Variants in SLITRK1 observed in about 807,000 individuals in gnomAD.
SLITRK1 encodes the protein SLIT and NTRK like family member 1.
SLITRK1 carries 10 observed loss-of-function variants against 42.4 expected under a neutral mutation model. That is an observed-to-expected ratio of 0.24 (90% CI 0.15 to 0.40). The LOEUF is 0.40. SLITRK1 is among the 10% of genes least tolerant of loss of function. The pLI, the probability that SLITRK1 is intolerant of heterozygous loss-of-function variation, is 1.00. For synonymous variants in SLITRK1, 389 were observed against 365.7 expected (o/e 1.06, Z -0.73); for missense variants, 778 against 848.8 (o/e 0.92, Z 1.04).
chr13:83,879,142 G>A lies in SLITRK1; in HGVS notation c.*275C>T, dbSNP rs928343494. ...AGGGCACTGTCAGTTCTTCCAGCAG[G>A]GTCGTGCTGGGCTTTCTGTCAAAAG... On this transcript the variant is annotated 3_prime_UTR_variant, in exon 2 of 2. Transcript: ENST00000674365. 2.1e-6 allele frequency: 1 copy of A among 480,080 alleles called. No individual in the cohort carries two copies. Among genetic ancestry groups the A allele is most frequent in the Non-Finnish European group, 3.8e-6 (1 of 261,648 alleles). The allele number at this position is 480,080 out of a possible 1,614,324, so 29.7% of individuals were successfully genotyped here. A position where few individuals can be genotyped will look rare whatever the true frequency, so the allele number is the denominator to read the frequency against.
rs774477502 is a variant in SLITRK1 at position 83,880,374 on chromosome 13, C to T, written c.1134G>A (p.Gln378=). The change falls in exon 2 of 2, where the codon CAG becomes CAA. Residue 378 remains glutamine, a synonymous_variant. Coordinates refer to ENST00000674365, the MANE Select transcript of SLITRK1 (RefSeq NM_001281503.2). ...ADLKPKLSNV[Q]ELFLRDNKIH... is the part of the protein sequence containing the mutation. ...TCTTGTTATCTCGTAGGAAAAGCTCCTGCACGTTAGAGAGCTTGGGCTTCA... is the reference window on the plus strand; with the variant it reads ...TCTTGTTATCTCGTAGGAAAAGCTCTTGCACGTTAGAGAGCTTGGGCTTCA... 1.2e-5 allele frequency: 19 copies of T among 1,613,878 alleles called. No homozygotes were observed. The South Asian group carries it at 1.8e-4, about 15-fold the overall frequency.
rs779793357 is a variant in SLITRK1, at chr13:83,880,929, G to A, written c.579C>T (p.Pro193=). Residue 193 remains proline (P), a synonymous_variant, in exon 2 of 2, where the codon CCC becomes CCT. Coordinates refer to ENST00000674365, the MANE Select transcript of SLITRK1 (RefSeq NM_001281503.2). ...GGATTTGCTCCAAGACCTCCTCATA[G>A]GGCAGCGTTTTCAGCCTGTTACCCC... is the stretch of plus-strand genomic sequence containing the variant. ...DLRGNRLKTL[P]YEEVLEQIPG... 2 of 1,614,028 alleles carry A rather than the reference G, an allele frequency of 1.2e-6. No homozygotes were observed. The highest frequency in any genetic ancestry group is 1.7e-6 in the Non-Finnish European group (2 of 1,179,994).
At position 83,882,250 on chromosome 13, in the gene SLITRK1, CTT is replaced by C; in HGVS notation, c.-302_-301del. The C allele has an allele frequency of 6.2e-6, 1 of 161,676 alleles. No individual in the cohort carries two copies. 10.0% of individuals were successfully genotyped at this position (161,676 alleles called of 1,614,324 possible). A position where few individuals can be genotyped will look rare whatever the true frequency, so the allele number is the denominator to read the frequency against. ...TTCCTCCCCTTCGGTCCTCTTAAGG[CTT>C]TTTTTTTTCTTTTCTGTGCTCTCGC... On this transcript the variant is annotated 5_prime_UTR_variant, in exon 1 of 2. Coordinates refer to ENST00000674365, the MANE Select transcript of SLITRK1 (RefSeq NM_001281503.2).
At position 83,878,457 on chromosome 13, in the gene SLITRK1, A is replaced by T. The variant is rs975765152; in HGVS notation, c.*960T>A. The T allele has an allele frequency of 1.3e-5, 2 of 152,600 alleles. No homozygotes were observed. The highest frequency in any genetic ancestry group is 4.8e-5 in the African/African-American group (2 of 41,440). The allele number at this position is 152,600 out of a possible 1,614,324, so 9.5% of individuals were successfully genotyped here. ...CCTCAAAATCATTTTTTAAATAATTACACTGATACTATAATAGAAATCATG... is the reference window on the plus strand; with the variant it reads ...CCTCAAAATCATTTTTTAAATAATTTCACTGATACTATAATAGAAATCATG... On this transcript the variant is annotated 3_prime_UTR_variant, in exon 2 of 2. Coordinates refer to ENST00000674365, the MANE Select transcript of SLITRK1 (RefSeq NM_001281503.2).
At position 83,879,576 on chromosome 13, in the gene SLITRK1, C is replaced by T. The variant is rs200208391; in HGVS notation, c.1932G>A (p.Arg644=). 14 of 1,613,910 alleles carry T rather than the reference C, an allele frequency of 8.7e-6. No individual in the cohort carries two copies. The highest frequency in any genetic ancestry group is 1.1e-5 in the Non-Finnish European group (13 of 1,180,018). ...TVVGMLVFIL[R]NRKRSKRRDA... is the part of the protein sequence containing the mutation. Reference sequence around the variant, plus strand: ...CTCGTCTCTTGGACCGCTTTCGGTTCCTCAGGATAAACACGAGCATGCCCA... The same window carrying T: ...CTCGTCTCTTGGACCGCTTTCGGTTTCTCAGGATAAACACGAGCATGCCCA... Residue 644 remains arginine (R), a synonymous_variant, in exon 2 of 2, where the codon AGG becomes AGA. Coordinates refer to ENST00000674365, the MANE Select transcript of SLITRK1 (RefSeq NM_001281503.2).
chr13:83,877,367 C>T lies in SLITRK1; in HGVS notation c.*2050G>A, dbSNP rs1257803001. On this transcript the variant is annotated 3_prime_UTR_variant, in exon 2 of 2. Transcript: ENST00000674365. ...GTCTTTCACTAGCTGATTTATAATC[C>T]TATATTAAAAAAAAATCTATAGTCT... 8.8e-6 allele frequency: 1 copy of T among 113,162 alleles called. No individual in the cohort carries two copies. The highest frequency in any genetic ancestry group is 7.1e-5 in the African/African-American group (1 of 14,092). The allele number at this position is 113,162 out of a possible 1,614,324, so 7.0% of individuals were successfully genotyped here.
In SLITRK1 at chr13:83,879,883, T is replaced by C; in HGVS notation, c.1625A>G (p.Gln542Arg). Residue 542 changes from glutamine (Q) to arginine (R), a missense_variant, in exon 2 of 2, where the codon CAG becomes CGG. Gln to Arg is a conservative substitution (Grantham distance 43). Coordinates refer to ENST00000674365, the MANE Select transcript of SLITRK1 (RefSeq NM_001281503.2). Reference sequence around the variant, plus strand: ...TTCGGAACCCAAGCGTTCTGCCCACTGCTTGAAAGGCACAATTGTGCAGGA... The same window carrying C: ...TTCGGAACCCAAGCGTTCTGCCCACCGCTTGAAAGGCACAATTGTGCAGGA... ...ECSCTIVPFKQWAERLGSEVL... is the reference protein window; with the variant it reads ...ECSCTIVPFKRWAERLGSEVL... 1 of 1,614,162 alleles carries C rather than the reference T, an allele frequency of 6.2e-7. No individual in the cohort carries two copies. The highest frequency in any genetic ancestry group is 8.5e-7 in the Non-Finnish European group (1 of 1,180,034).
chr13:83,880,467 G>C lies in SLITRK1; in HGVS notation c.1041C>G (p.Cys347Trp). Residue 347 changes from cysteine to tryptophan, a missense_variant, in exon 2 of 2, where the codon TGC becomes TGG. By Grantham distance (215) the Cys-to-Trp change is radical. Coordinates refer to ENST00000674365, the MANE Select transcript of SLITRK1 (RefSeq NM_001281503.2). ...NSLPCPGGCS[C>W]DHIPGSGLKM... Reference sequence around the variant, plus strand: ...TTAAACCCGACCCTGGGATGTGGTCGCAGCTGCAGCCCCCAGGGCAGGGTA... The same window carrying C: ...TTAAACCCGACCCTGGGATGTGGTCCCAGCTGCAGCCCCCAGGGCAGGGTA... The C allele has an allele frequency of 6.2e-7, 1 of 1,614,032 alleles. No individual in the cohort carries two copies. Among genetic ancestry groups the C allele is most frequent in the Non-Finnish European group, 8.5e-7 (1 of 1,180,030 alleles).
rs1278496954 is a variant in SLITRK1, at chr13:83,881,163, G to A, written c.345C>T (p.Asn115=). 1 of 1,613,952 alleles carries A rather than the reference G, an allele frequency of 6.2e-7. No individual in the cohort carries two copies. Among genetic ancestry groups the A allele is most frequent in the African/African-American group, 1.3e-5 (1 of 74,880 alleles). Residue 115 remains asparagine (N), a synonymous_variant, in exon 2 of 2, where the codon AAC becomes AAT. Coordinates refer to ENST00000674365, the MANE Select transcript of SLITRK1 (RefSeq NM_001281503.2). ...GCTTTCGAAAAGACTTGATCTTGTT[G>A]TTGTTGATGTGCAGCCTTTTCACCA... is the stretch of plus-strand genomic sequence containing the variant. ...LQLVKRLHIN[N]NKIKSFRKQT...
chr13:83,881,567 GC>G lies in SLITRK1; in HGVS notation c.-53-8del, dbSNP rs1884814872. On this transcript the variant is annotated splice_polypyrimidine_tract_variant and splice_region_variant and intron_variant, in intron 1 of 1. Transcript: ENST00000674365. ...CAAAGTAACAGCGACCATCCTGCTC[GC>G]CACAGACACAATTCAAGTTCATTTA... 7.2e-6 allele frequency: 10 copies of G among 1,391,526 alleles called. No individual in the cohort carries two copies. In the South Asian group the frequency reaches 1.0e-4, roughly 14 times the overall value. 86.2% of individuals were successfully genotyped at this position (1,391,526 alleles called of 1,614,324 possible).
At chr13:83,881,975 G>T (rs1378403794) in intron 1 of SLITRK1, 29 bp downstream of exon 1, 3 of 176,342 alleles carry the variant, frequency 1.7e-5, no homozygotes, top group East Asian at 3.7e-4. Flanking sequence ...CAGGCGCACT[G>T]CCTGTGCATG....
At chr13:83,881,796 A>G (rs1884821986) in intron 1 of SLITRK1, 1 of 397,298 alleles carries the variant, frequency 2.5e-6, no homozygotes, top group Non-Finnish European at 4.6e-6. Context: ...CCACTCCCCC[A>G]CAACACTTTA....
rs558089981 is a variant in SLITRK1 at position 83,881,063 on chromosome 13, C to T, written c.445G>A (p.Ala149Thr). 6 of 1,613,978 alleles carry T rather than the reference C, an allele frequency of 3.7e-6. No individual in the cohort carries two copies. In the East Asian group the frequency reaches 8.9e-5, roughly 24 times the overall value. Residue 149 changes from alanine (A) to threonine (T), a missense_variant, in exon 2 of 2, where the codon GCC becomes ACC. This residue lies in a region of SLITRK1 where 204 missense variants were observed against 295.3 expected (regional missense o/e 0.69). Transcript: ENST00000674365. ...FNLLRDIDPG[A>T]FQDLNKLEVL... ...TCCAGCTTGTTCAAGTCCTGGAAGGCCCCCGGGTCTATATCTCGTAATAAA... is the reference window on the plus strand; with the variant it reads ...TCCAGCTTGTTCAAGTCCTGGAAGGTCCCCGGGTCTATATCTCGTAATAAA...
Position 83,879,385 on chromosome 13 carries a change from TC to T in SLITRK1, c.*31del, listed in dbSNP as rs767162700. The T allele has an allele frequency of 8.1e-6, 13 of 1,610,216 alleles. No individual in the cohort carries two copies. The highest frequency in any genetic ancestry group is 1.0e-5 in the Non-Finnish European group (12 of 1,179,918). On this transcript the variant is annotated 3_prime_UTR_variant, in exon 2 of 2. Coordinates refer to ENST00000674365, the MANE Select transcript of SLITRK1 (RefSeq NM_001281503.2). The stretch of plus-strand genomic sequence containing the variant: ...TGCGGTGGGGAAGGATGTATCGCCT[TC>T]CCTCTGCCCTCCCCTATTGGGGTTG...
At position 83,879,436 on chromosome 13, in the gene SLITRK1, G is replaced by T; in HGVS notation, c.2072C>A (p.Ser691Tyr). The T allele has an allele frequency of 6.2e-7, 1 of 1,613,486 alleles. No homozygotes were observed. ...DGAHRVYDCG[S>Y]HSLSD ...GGGGTCTTAGTCTGAGAGCGAGTGA[G>T]AGCCACAGTCATACACTCTGTGGGC... The change falls in exon 2 of 2, where the codon TCT becomes TAT. Residue 691 changes from serine (S) to tyrosine (Y), a missense_variant. Coordinates refer to ENST00000674365, the MANE Select transcript of SLITRK1 (RefSeq NM_001281503.2).
In SLITRK1 at chr13:83,880,505, A is replaced by T; in HGVS notation, c.1003T>A (p.Leu335Ile). 6.2e-7 allele frequency: 1 copy of T among 1,613,924 alleles called. No individual in the cohort carries two copies. Among genetic ancestry groups the T allele is most frequent in the Non-Finnish European group, 8.5e-7 (1 of 1,179,992 alleles). ...CCAGGGCAGGGTAAACTGTTAGCTA[A>T]GGGTTTGTTCCTGGAGCTACCCGTC... is the stretch of plus-strand genomic sequence containing the variant. ...IATGSSRNKP[L>I]ANSLPCPGGC... Residue 335 changes from leucine to isoleucine, a missense_variant, in exon 2 of 2, where the codon TTA becomes ATA. By Grantham distance (5) the Leu-to-Ile change is conservative. Transcript: ENST00000674365.
At position 83,880,152 on chromosome 13, in the gene SLITRK1, C is replaced by G; in HGVS notation, c.1356G>C (p.Leu452=). 1 of 1,614,016 alleles carries G rather than the reference C, an allele frequency of 6.2e-7. No homozygotes were observed. The highest frequency in any genetic ancestry group is 1.1e-5 in the South Asian group (1 of 91,068). Residue 452 remains leucine, a synonymous_variant, in exon 2 of 2, where the codon CTG becomes CTC. Coordinates refer to ENST00000674365, the MANE Select transcript of SLITRK1 (RefSeq NM_001281503.2). Reference sequence around the variant, plus strand: ...GCTGGATAGCGTTGTACTCCACGTTCAGGTACTCTAGGTTTTGCAGCCCCG... The same window carrying G: ...GCTGGATAGCGTTGTACTCCACGTTGAGGTACTCTAGGTTTTGCAGCCCCG... ...KFAGLQNLEY[L]NVEYNAIQLI...
chr13:83,880,159 T>C lies in SLITRK1; in HGVS notation c.1349A>G (p.Glu450Gly), dbSNP rs751127410. ...AGCGTTGTACTCCACGTTCAGGTAC[T>C]CTAGGTTTTGCAGCCCCGCGAATTT... The part of the protein sequence containing the change: ...REKFAGLQNL[E>G]YLNVEYNAIQ... Residue 450 changes from glutamate (E) to glycine (G), a missense_variant, in exon 2 of 2, where the codon GAG becomes GGG. Around this residue, in one of 4 missense-constraint regions of SLITRK1, gnomAD observed 395 missense variants for 360.4 expected, o/e 1.10. Coordinates refer to ENST00000674365, the MANE Select transcript of SLITRK1 (RefSeq NM_001281503.2). 1.9e-6 allele frequency: 3 copies of C among 1,613,976 alleles called. No individual in the cohort carries two copies. The highest frequency in any genetic ancestry group is 1.1e-5 in the South Asian group (1 of 91,060).
Position 83,879,747 on chromosome 13 carries a change from G to A in SLITRK1, c.1761C>T (p.Pro587=), listed in dbSNP as rs1884769659. The A allele has an allele frequency of 6.2e-7, 1 of 1,613,870 alleles. No homozygotes were observed. The highest frequency in any genetic ancestry group is 1.3e-5 in the African/African-American group (1 of 74,896). Residue 587 remains proline (P), a synonymous_variant, in exon 2 of 2, where the codon CCC becomes CCT. Transcript: ENST00000674365. Reference sequence around the variant, plus strand: ...TGTTTTTACTGTGCGAAGTTAACGTGGGCGAGATCCTAGCGTACAGCTGAG... The same window carrying A: ...TGTTTTTACTGTGCGAAGTTAACGTAGGCGAGATCCTAGCGTACAGCTGAG... ...ICPQLYARIS[P]TLTSHSKNST... is the part of the protein sequence containing the mutation.
Sources: allele counts gnomAD v4.1 joint callset, GRCh38; gene constraint gnomAD v4.1.1; regional missense constraint gnomAD v4.1.1; transcripts MANE v1.5; gene names NCBI Gene and HGNC (gene_info 2026-07-23, HGNC 2026-07-21).